The following KIF5C variants were observed in gnomAD, a reference collection of about 807,000 sequenced individuals.
The protein encoded by KIF5C is kinesin heavy chain isoform 5C.
Under a neutral mutation model 125.2 loss-of-function variants are expected in KIF5C, and 18 were observed. That is an observed-to-expected ratio of 0.14 (90% confidence interval 0.10 to 0.21). The LOEUF (loss-of-function observed/expected upper bound fraction) is 0.21, where lower values mean the gene tolerates loss of function less well. Among genes scored for constraint, KIF5C ranks in the 10% least tolerant of loss-of-function variants. The pLI, the probability that KIF5C is intolerant of heterozygous loss-of-function variation, is 1.00. For synonymous variants in KIF5C, 405 were observed against 434.0 expected (o/e 0.93, Z 0.83); for missense variants, 780 against 1,183.8 (o/e 0.66, Z 5.01).
rs146828092 is a variant in KIF5C at position 148,936,531 on chromosome 2, C to T, written c.292-753C>T. 4.1e-4 allele frequency among the ~76,000 whole-genome samples: 62 copies of T among 152,284 alleles called. No individual in the cohort carries two copies. In the East Asian group the frequency reaches 0.011, roughly 26 times the overall value. On this transcript the variant is annotated intron_variant, in intron 3 of 25. Transcript: ENST00000435030. ...CCTAAGGCATCTTTTCTAAAATCTT[C>T]AGGGGTGGCAAATTCTGGACCTTAA... is the stretch of plus-strand genomic sequence containing the variant.
At chr2:148,963,152 A>G (rs1682969373) in intron 11 of KIF5C, among the ~76,000 whole-genome samples, 2 of 147,242 alleles carry the variant, frequency 1.4e-5, no homozygotes, top group African/African-American at 5.3e-5. Flanking sequence ...GTTAGAAGGT[A>G]GAAGGCTTTT....
chr2:148,974,264 T>A (rs1680999411), intron 12 of KIF5C, among the ~76,000 whole-genome samples: 1 of 152,248 alleles, frequency 6.6e-6, no homozygotes, highest in African/African-American at 2.4e-5. Context: ...TTCAGTTGAT[T>A]TCATCAGGGT....
rs184934103 is a variant in KIF5C at position 149,021,509 on chromosome 2, T to C, written c.*8-1569T>C. Among the ~76,000 whole-genome samples the C allele has an allele frequency of 1.1e-4, 16 of 152,230 alleles. No homozygotes were observed. The East Asian group carries it at 3.1e-3, about 29-fold the overall frequency. ...CCTTTCTAGACTGAGAATTTTTCTA[T>C]TTATATGTAACTTACATCCTGCTGA... On this transcript the variant is annotated intron_variant, in intron 25 of 25. Coordinates refer to ENST00000435030, the MANE Select transcript of KIF5C (RefSeq NM_004522.3).
At chr2:148,941,008 A>G (rs370197484) in intron 4 of KIF5C, among the ~76,000 whole-genome samples, 9 of 152,198 alleles carry the variant, frequency 5.9e-5, no homozygotes, top group East Asian at 1.9e-4. Flanking sequence ...ATGCTGATGA[A>G]GGTGGTGCTG....
At chr2:148,901,016 C>A (rs1406478138) in intron 1 of KIF5C, among the ~76,000 whole-genome samples, 1 of 152,102 alleles carries the variant, frequency 6.6e-6, no homozygotes, top group East Asian at 1.9e-4. Context: ...ATTACAGTTA[C>A]AGAAATAAAA....
chr2:148,929,222 C>T, intron 2 of KIF5C, 59 bp from the exon 3 acceptor site: 2 of 1,055,710 alleles, frequency 1.9e-6, no homozygotes, highest in East Asian at 2.6e-5. Flanking sequence ...AATATGCAAC[C>T]TACACCAGCA....
At chr2:148,992,257 A>T (rs1322696723) in intron 16 of KIF5C, among the ~76,000 whole-genome samples, 1 of 152,220 alleles carries the variant, frequency 6.6e-6, no homozygotes. Context: ...CAGTGCTAAT[A>T]TGTGATAGTA....
chr2:149,024,514 AAGTG>A lies in KIF5C; in HGVS notation c.*1445_*1448del, dbSNP rs1218146796. 8 of 94,214 alleles carry A rather than the reference AAGTG, an allele frequency of 8.5e-5. No individual in the cohort carries two copies. The East Asian group carries it at 2.5e-3, about 30-fold the overall frequency. 5.8% of individuals were successfully genotyped at this position (94,214 alleles called of 1,614,324 possible). A position where few individuals can be genotyped will look rare whatever the true frequency, so the allele number is the denominator to read the frequency against. On this transcript the variant is annotated 3_prime_UTR_variant, in exon 26 of 26. Transcript: ENST00000435030. The stretch of plus-strand genomic sequence containing the variant: ...TGACTGTGTGGGTCGAAGGTAGCTC[AAGTG>A]TGTGTGTGTGTGTGTGTGTGTGTGT...
chr2:148,880,954 G>GT (rs371343902), intron 1 of KIF5C, among the ~76,000 whole-genome samples: 17,075 of 129,102 alleles, frequency 0.13, 1,271 homozygotes, highest in African/African-American at 0.22. Flanking sequence ...AAAAAACCTA[G>GT]TTTTTTTTTT....
chr2:148,939,357 C>A (rs1326401082), intron 4 of KIF5C, among the ~76,000 whole-genome samples: 1 of 152,218 alleles, frequency 6.6e-6, no homozygotes, highest in Non-Finnish European at 1.5e-5. Flanking sequence ...GCTTCTCCTT[C>A]TTGCCAAGGT....
rs1682627717 is a variant in KIF5C at position 149,024,482 on chromosome 2, T to C, written c.*1412T>C. On this transcript the variant is annotated 3_prime_UTR_variant, in exon 26 of 26. Coordinates refer to ENST00000435030, the MANE Select transcript of KIF5C (RefSeq NM_004522.3). ...TATATGCCAGGGGAGACTTTGGGCT[T>C]TTCTCATGACTGTGTGGGTCGAAGG... The C allele has an allele frequency of 6.6e-6, 1 of 152,536 alleles. No individual in the cohort carries two copies. Among genetic ancestry groups the C allele is most frequent in the Non-Finnish European group, 1.5e-5 (1 of 68,588 alleles). 9.4% of individuals were successfully genotyped at this position (152,536 alleles called of 1,614,324 possible). A position where few individuals can be genotyped will look rare whatever the true frequency, so the allele number is the denominator to read the frequency against.
intron 1 of KIF5C, among the ~76,000 whole-genome samples, chr2:148,919,354 T>C (rs889711767): frequency 3.3e-5 from 5 of 152,144 alleles, no homozygotes; most frequent in African/African-American, 4.8e-5. Flanking sequence ...GGGACTCGTG[T>C]CTCCAGAAGG....
In KIF5C at chr2:148,929,278, C is replaced by T. The variant is rs2105091612; in HGVS notation, c.218-3C>T. On this transcript the variant is annotated splice_region_variant and splice_polypyrimidine_tract_variant and intron_variant, in intron 2 of 25. Coordinates refer to ENST00000435030, the MANE Select transcript of KIF5C (RefSeq NM_004522.3). ...AATTTTAATTTCTTTTTCTTGTTCACAGATGTCCTTGAAGGTTATAACGGG... is the reference window on the plus strand; with the variant it reads ...AATTTTAATTTCTTTTTCTTGTTCATAGATGTCCTTGAAGGTTATAACGGG... The T allele has an allele frequency of 6.5e-7, 1 of 1,526,812 alleles. No individual in the cohort carries two copies. The highest frequency in any genetic ancestry group is 2.4e-5 in the East Asian group (1 of 40,838). 94.6% of individuals were successfully genotyped at this position (1,526,812 alleles called of 1,614,324 possible). A position where few individuals can be genotyped will look rare whatever the true frequency, so the allele number is the denominator to read the frequency against.
At chr2:149,020,548 C>T (rs1307640112) in intron 25 of KIF5C, among the ~76,000 whole-genome samples, 1 of 152,154 alleles carries the variant, frequency 6.6e-6, no homozygotes, top group Non-Finnish European at 1.5e-5. Flanking sequence ...ATTGAGGCCG[C>T]CCCATTGCAT....
At position 148,998,002 on chromosome 2, in the gene KIF5C, C is replaced by T. The variant is rs1435099619; in HGVS notation, c.2101-398C>T. The T allele has an allele frequency of 2.3e-5, 5 of 218,516 alleles. No homozygotes were observed. The Admixed American group carries it at 2.5e-4, about 11-fold the overall frequency. 13.5% of individuals were successfully genotyped at this position (218,516 alleles called of 1,614,324 possible). A position where few individuals can be genotyped will look rare whatever the true frequency, so the allele number is the denominator to read the frequency against. On this transcript the variant is annotated intron_variant, in intron 18 of 25. Transcript: ENST00000435030. ...TCATAAATCTGTGCAGTGGGCAGGGCAGGGGCTTTTATCTCAGTTTTACAT... is the reference window on the plus strand; with the variant it reads ...TCATAAATCTGTGCAGTGGGCAGGGTAGGGGCTTTTATCTCAGTTTTACAT...
At chr2:149,014,417 T>C (rs1012227892) in intron 25 of KIF5C, among the ~76,000 whole-genome samples, 1 of 152,208 alleles carries the variant, frequency 6.6e-6, no homozygotes, top group Non-Finnish European at 1.5e-5. Flanking sequence ...TCCACACAGC[T>C]TCAGACACAG....
intron 17 of KIF5C, 114 bp from the exon 18 acceptor site, chr2:148,997,150 T>C: frequency 1.4e-6 from 2 of 1,455,918 alleles, no homozygotes; most frequent in Non-Finnish European, 1.8e-6. Flanking sequence ...ATTGCTGATA[T>C]AAGCTGATGT....
chr2:148,875,569 G>GGCCCCGGGGCCCCCCCCCCC lies in KIF5C; in HGVS notation c.-49_-48insGCCCCGGGGCCCCCCCCCCC. On this transcript the variant is annotated 5_prime_UTR_variant, in exon 1 of 26. Coordinates refer to ENST00000435030, the MANE Select transcript of KIF5C (RefSeq NM_004522.3). The stretch of plus-strand genomic sequence containing the variant: ...GCGGCCTCCTCCCTCGTCGTTCCCG[G>GGCCCCGGGGCCCCCCCCCCC]CCCCGGCCCCCCACCCATCCCCGTG... The GGCCCCGGGGCCCCCCCCCCC allele has an allele frequency of 1.4e-6, 1 of 689,868 alleles. No homozygotes were observed. Among genetic ancestry groups the GGCCCCGGGGCCCCCCCCCCC allele is most frequent in the Non-Finnish European group, 2.6e-6 (1 of 380,192 alleles). 42.7% of individuals were successfully genotyped at this position (689,868 alleles called of 1,614,324 possible).
In KIF5C at chr2:148,941,833, A is replaced by G. The variant is rs1682413967; in HGVS notation, c.446-102A>G. 3.3e-6 allele frequency: 5 copies of G among 1,500,284 alleles called. No homozygotes were observed. The Admixed American group carries it at 9.0e-5, about 27-fold the overall frequency. The allele number at this position is 1,500,284 out of a possible 1,614,324, so 92.9% of individuals were successfully genotyped here. On this transcript the variant is annotated intron_variant, in intron 5 of 25. Coordinates refer to ENST00000435030, the MANE Select transcript of KIF5C (RefSeq NM_004522.3). ...GCTTAAACTTGCATATTGCAAAGAGATTAGATTTGACTGTCTTTGTAACAA... is the reference window on the plus strand; with the variant it reads ...GCTTAAACTTGCATATTGCAAAGAGGTTAGATTTGACTGTCTTTGTAACAA...
Sources: gnomAD v4.1 joint callset for allele counts (sites outside exome capture counted in the v4.1 genomes callset) on GRCh38, gnomAD v4.1.1 for gene constraint, MANE v1.5 for transcripts, NCBI Gene and HGNC (gene_info 2026-07-23, HGNC 2026-07-21) for gene names.